Variants in ANK3 observed in about 807,000 individuals in gnomAD.
The protein encoded by ANK3 is ankyrin-3.
In ANK3, 57 loss-of-function variants were observed where a neutral mutation model predicts 370.9. The observed-to-expected ratio is 0.15, with a 90% CI of 0.12 to 0.19. ANK3 has a LOEUF of 0.19. ANK3 is among the 10% of genes least tolerant of loss of function. The probability of loss-of-function intolerance (pLI) is 1.00; values close to 1 mark genes in which losing one functional copy is unlikely to be tolerated. For synonymous variants in ANK3, 1,929 were observed against 1,946.3 expected, an observed-to-expected ratio of 0.99 and a Z score of 0.23; for missense variants, 4,439 against 5,302.1, an observed-to-expected ratio of 0.84 and a Z score of 5.06.
chr10:60,378,684 C>A (rs1016799396), intron 1 of ANK3, among the ~76,000 whole-genome samples: 1 of 152,014 alleles, frequency 6.6e-6, no homozygotes, highest in African/African-American at 2.4e-5. Flanking sequence ...TCCCTTCTTA[C>A]CCTACATAAA....
intron 2 of ANK3, among the ~76,000 whole-genome samples, chr10:60,466,518 C>G (rs1380880294): frequency 1.3e-5 from 2 of 152,080 alleles, no homozygotes; most frequent in Non-Finnish European, 2.9e-5. Flanking sequence ...GGAAGACTCT[C>G]AAAAGGTTAA....
At chr10:60,329,994 C>A (rs2050828035) in intron 1 of ANK3, among the ~76,000 whole-genome samples, 1 of 152,128 alleles carries the variant, frequency 6.6e-6, no homozygotes, top group African/African-American at 2.4e-5. Context: ...CATATACAAC[C>A]ATCTGATCTT....
intron 36 of ANK3, among the ~76,000 whole-genome samples, chr10:60,080,094 A>C: frequency 6.6e-6 from 1 of 152,148 alleles, no homozygotes; most frequent in African/African-American, 2.4e-5. Flanking sequence ...CAAAGTGGGA[A>C]GAAAAAGAAT....
chr10:60,409,173 TA>T (rs2063511121), intron 2 of ANK3, among the ~76,000 whole-genome samples: 1 of 152,148 alleles, frequency 6.6e-6, no homozygotes, highest in South Asian at 2.1e-4. Context: ...TGGGTTTCAT[TA>T]AAAAGAAAAA....
intron 7 of ANK3, among the ~76,000 whole-genome samples, chr10:60,246,255 CAAAAAAA>C (rs869144298): frequency 0.45 from 41,614 of 92,542 alleles, 7,786 homozygotes; most frequent in East Asian, 0.53. Context: ...AACCCTGTAT[CAAAAAAA>C]AAAAAAAAAA....
At chr10:60,569,053 T>A (rs79479746) in intron 2 of ANK3, among the ~76,000 whole-genome samples, 1 of 43,034 alleles carries the variant, frequency 2.3e-5, no homozygotes, top group East Asian at 6.4e-4. Flanking sequence ...GTCTATTGTA[T>A]TTTTTTAATG....
At chr10:60,089,547 C>T (rs1264774635) in intron 28 of ANK3, among the ~76,000 whole-genome samples, 1 of 150,708 alleles carries the variant, frequency 6.6e-6, no homozygotes, top group Non-Finnish European at 1.5e-5. Flanking sequence ...ATGCATAATT[C>T]TGGTGGGCTT....
chr10:60,438,376 A>G (rs1387515462), intron 2 of ANK3, among the ~76,000 whole-genome samples: 2 of 152,308 alleles, frequency 1.3e-5, no homozygotes, highest in African/African-American at 4.8e-5. Context: ...TTAGGCCTAC[A>G]TTGAAAGGAT....
chr10:60,506,201 A>C (rs1175166644), intron 2 of ANK3, among the ~76,000 whole-genome samples: 1 of 152,164 alleles, frequency 6.6e-6, no homozygotes, highest in Non-Finnish European at 1.5e-5. Context: ...TATTTTACTA[A>C]CAAAAAAGTG....
At chr10:60,300,888 AATAT>A (rs1270204891) in intron 1 of ANK3, among the ~76,000 whole-genome samples, 2 of 152,048 alleles carry the variant, frequency 1.3e-5, no homozygotes, top group Non-Finnish European at 2.9e-5. Context: ...TTTTCTAATG[AATAT>A]ATGTCTGCGT....
chr10:60,598,260 T>A (rs1039503234), intron 2 of ANK3, among the ~76,000 whole-genome samples: 5 of 152,216 alleles, frequency 3.3e-5, no homozygotes, highest in African/African-American at 1.2e-4. Flanking sequence ...ATCAACAACA[T>A]CCCTTTGTTT....
At chr10:60,646,946 G>T (rs2078717368) in intron 1 of ANK3, among the ~76,000 whole-genome samples, 2 of 152,208 alleles carry the variant, frequency 1.3e-5, no homozygotes, top group South Asian at 4.1e-4. Context: ...ATGTAGCATG[G>T]TCATTGGGGT....
chr10:60,289,866 AC>A (rs1285795872), intron 1 of ANK3, among the ~76,000 whole-genome samples: 2 of 152,236 alleles, frequency 1.3e-5, no homozygotes, highest in Non-Finnish European at 2.9e-5. Flanking sequence ...ATAACGTCCA[AC>A]AAAAAATTAG....
At chr10:60,191,056 A>G (rs948580510) in intron 16 of ANK3, among the ~76,000 whole-genome samples, 2 of 152,184 alleles carry the variant, frequency 1.3e-5, no homozygotes, top group Non-Finnish European at 2.9e-5. Flanking sequence ...AACTGGACCC[A>G]TAACTCTCAC....
chr10:60,392,360 G>C (rs1411477755), upstream of ANK3, among the ~76,000 whole-genome samples: 1 of 152,146 alleles, frequency 6.6e-6, no homozygotes, highest in Non-Finnish European at 1.5e-5. Flanking sequence ...TCATTTGGGA[G>C]ATTAAAAACT....
At chr10:60,531,918 C>G (rs1304488682) in intron 2 of ANK3, among the ~76,000 whole-genome samples, 1 of 152,074 alleles carries the variant, frequency 6.6e-6, no homozygotes, top group East Asian at 1.9e-4. Context: ...CCTGGTGACT[C>G]TAATGTTCAC....
Position 60,677,344 on chromosome 10 carries a change from C to T in ANK3, c.57+55919G>A, listed in dbSNP as rs142247508. ...AGAACTATATGTATTTATAGTTATA[C>T]GGTAGTAAGAACATATTACATTTTT... On this transcript the variant is annotated intron_variant, in intron 1 of 43. Coordinates refer to the ANK3 transcript ENST00000373827. 5.4e-4 allele frequency among the ~76,000 whole-genome samples: 82 copies of T among 152,214 alleles called. 1 individual carries two copies. Among genetic ancestry groups the T allele is most frequent in the African/African-American group, 1.7e-3 (72 of 41,542 alleles).
At position 60,504,994 on chromosome 10, in the gene ANK3, T is replaced by C. The variant is rs529074188; in HGVS notation, c.96+110192A>G. Among the ~76,000 whole-genome samples, 14 of 152,240 alleles carry C rather than the reference T, an allele frequency of 9.2e-5. No individual in the cohort carries two copies. In the South Asian group the frequency reaches 2.9e-3, roughly 32 times the overall value. On this transcript the variant is annotated intron_variant, in intron 2 of 43. Transcript: ENST00000373827. ...TTATAACTTTTCTATGTGTGAATAT[T>C]GTTGTAGTTATCTAAAAAAAACTCC...
chr10:60,172,412 A>T lies in ANK3; in HGVS notation c.2383-9T>A, dbSNP rs1194835222. On this transcript the variant is annotated splice_polypyrimidine_tract_variant and intron_variant, in intron 20 of 43. Transcript: ENST00000280772. ...AGGGCAGTATTCCCATTCTGGCAAA[A>T]GGAAAATGTGAGTGAGGAATTAGCA... 1 of 1,612,834 alleles carries T rather than the reference A, an allele frequency of 6.2e-7. No homozygotes were observed.
Sources: allele counts gnomAD v4.1 joint callset (sites outside exome capture counted in the v4.1 genomes callset), GRCh38; gene constraint gnomAD v4.1.1; transcripts MANE v1.5; gene names NCBI Gene and HGNC (gene_info 2026-07-23, HGNC 2026-07-21).